Variants in SH3BP4 observed in about 807,000 individuals in gnomAD.
The protein encoded by SH3BP4 is SH3 domain binding protein 4, also known as SH3 domain-binding protein 4.
A neutral mutation model predicts 65.5 loss-of-function variants in SH3BP4; 33 were observed. The observed-to-expected ratio is 0.50, with a 90% CI of 0.38 to 0.67. SH3BP4 has a LOEUF of 0.67. SH3BP4 is among the 30% of genes least tolerant of loss of function. The pLI, the probability that SH3BP4 is intolerant of heterozygous loss-of-function variation, is 0.00. For missense variants in SH3BP4, 1,134 were observed against 1,261.4 expected (o/e 0.90, Z 1.53); for synonymous variants, 552 against 545.5 (o/e 1.01, Z -0.17).
At chr2:234,989,245 G>A (rs1423514688) in intron 1 of SH3BP4, among the ~76,000 whole-genome samples, 4 of 152,198 alleles carry the variant, frequency 2.6e-5, no homozygotes, top group Non-Finnish European at 5.9e-5. Flanking sequence ...GAAGCTGTAG[G>A]AGGATGGCGT....
intron 1 of SH3BP4, among the ~76,000 whole-genome samples, chr2:234,964,437 C>A (rs1692788024): frequency 6.6e-6 from 1 of 152,160 alleles, no homozygotes; most frequent in Admixed American, 6.5e-5. Context: ...GGGGAGCCCA[C>A]CAGATGCAGC....
chr2:234,954,804 G>T (rs115783385), intron 1 of SH3BP4, among the ~76,000 whole-genome samples: 38 of 152,178 alleles, frequency 2.5e-4, no homozygotes, highest in Admixed American at 4.6e-4. Context: ...CTGAAATTGC[G>T]TGGGAGGTGT....
chr2:234,963,008 C>G (rs1179491111), intron 1 of SH3BP4, among the ~76,000 whole-genome samples: 3 of 152,200 alleles, frequency 2.0e-5, no homozygotes, highest in Non-Finnish European at 4.4e-5. Flanking sequence ...CCTCAGCCTC[C>G]CAAAGTGCTG....
At position 235,042,685 on chromosome 2, in the gene SH3BP4, T is replaced by G. The variant is rs1695709285; in HGVS notation, c.1916T>G (p.Phe639Cys). ...GTCGGGAAAATCATCCTGTCCCCGT[T>G]TGCCACCACTACAAAGTACCCGACT... The part of the protein sequence containing the change: ...NEVGKIILSP[F>C]ATTTKYPTFQ... The change falls in exon 4 of 6, where the codon TTT (phenylalanine) becomes TGT (cysteine). Residue 639 changes from phenylalanine (F) to cysteine (C), a missense_variant. Physicochemically the swap from Phe to Cys is radical, Grantham distance 205. Transcript: ENST00000392011. This position sits in a 1 kb window ranked among gnomAD's most constrained non-coding sequence, Gnocchi z 7.3. 1 of 1,614,026 alleles carries G rather than the reference T, an allele frequency of 6.2e-7. No homozygotes were observed. Among genetic ancestry groups the G allele is most frequent in the Non-Finnish European group, 8.5e-7 (1 of 1,180,042 alleles).
intron 2 of SH3BP4, among the ~76,000 whole-genome samples, chr2:235,006,610 C>T (rs1337934906): frequency 6.6e-6 from 1 of 152,140 alleles, no homozygotes; most frequent in Admixed American, 6.5e-5. Context: ...CTCAGGGGCC[C>T]CCCTCGCTCT....
At chr2:234,993,070 G>T (rs1327809229) in intron 1 of SH3BP4, among the ~76,000 whole-genome samples, 2 of 152,246 alleles carry the variant, frequency 1.3e-5, no homozygotes, top group Non-Finnish European at 2.9e-5. Flanking sequence ...GAGTTCCTGT[G>T]AAGGGAGCTG....
At position 234,978,980 on chromosome 2, in the gene SH3BP4, G is replaced by C. The variant is rs1693264899; in HGVS notation, c.-206-16323G>C. ...GGGTGCCGGACATGCTTCTCGGTCA[G>C]AGCTGGTGCGTTTCTTTGCAGGGCA... On this transcript the variant is annotated intron_variant, in intron 1 of 5. Coordinates refer to ENST00000392011, the MANE Select transcript of SH3BP4 (RefSeq NM_014521.3). This position sits in a 1 kb window ranked among gnomAD's most constrained non-coding sequence, Gnocchi z 4.1. 6.6e-6 allele frequency: 1 copy of C among 152,384 alleles called. No individual in the cohort carries two copies. The highest frequency in any genetic ancestry group is 6.5e-5 in the Admixed American group (1 of 15,286). 9.4% of individuals were successfully genotyped at this position (152,384 alleles called of 1,614,324 possible).
intron 2 of SH3BP4, among the ~76,000 whole-genome samples, chr2:235,006,539 G>GAGGGCCTGTGCTCCCA (rs907457336): frequency 6.6e-6 from 1 of 152,208 alleles, no homozygotes; most frequent in East Asian, 1.9e-4. Flanking sequence ...CTCAGAAGCA[G>GAGGGCCTGTGCTCCCA]AGGGCCTGTG....
Position 235,053,863 on chromosome 2 carries a change from G to T in SH3BP4, c.*47G>T, listed in dbSNP as rs1003163759. The T allele has an allele frequency of 7.0e-7, 1 of 1,425,516 alleles. No individual in the cohort carries two copies. Among genetic ancestry groups the T allele is most frequent in the Non-Finnish European group, 9.9e-7 (1 of 1,010,278 alleles). 88.3% of individuals were successfully genotyped at this position (1,425,516 alleles called of 1,614,324 possible). ...TGCTCTGGAGTGCAAGCCCTCTTCT[G>T]CCCTGCGTGCCCTGCTGTCACCGCG... On this transcript the variant is annotated 3_prime_UTR_variant, in exon 6 of 6. Transcript: ENST00000392011.
At chr2:234,999,234 G>C (rs141383112) in intron 2 of SH3BP4, among the ~76,000 whole-genome samples, 1 of 152,332 alleles carries the variant, frequency 6.6e-6, no homozygotes, top group African/African-American at 2.4e-5. Context: ...GTCATAACTA[G>C]CCTGCCTTAC....
At chr2:234,972,637 G>A (rs1693034467) in intron 1 of SH3BP4, among the ~76,000 whole-genome samples, 1 of 152,140 alleles carries the variant, frequency 6.6e-6, no homozygotes, top group South Asian at 2.1e-4. Flanking sequence ...TGAGGCAGGA[G>A]GATGGCTGAG....
At chr2:235,006,852 C>A (rs1192485087) in intron 2 of SH3BP4, among the ~76,000 whole-genome samples, 1 of 152,108 alleles carries the variant, frequency 6.6e-6, no homozygotes, top group African/African-American at 2.4e-5. Flanking sequence ...TAGGGCAGGA[C>A]CTCCGTGACA....
In SH3BP4 at chr2:235,043,025, G is replaced by A. The variant is rs367665210; in HGVS notation, c.2256G>A (p.Thr752=). The A allele has an allele frequency of 2.8e-5, 45 of 1,609,266 alleles. No individual in the cohort carries two copies. The highest frequency in any genetic ancestry group is 3.7e-5 in the Non-Finnish European group (43 of 1,176,476). ...EQILRPCKFL[T]YIYASVRTLL... ...TCCTGCGGCCCTGCAAATTCCTCAC[G>A]TACATCTATGCCTCCGTGAGGACCC... Residue 752 remains threonine, a synonymous_variant, in exon 4 of 6, where the codon ACG becomes ACA. Transcript: ENST00000392011.
intron 1 of SH3BP4, chr2:234,979,437 C>T (rs1693282020): frequency 6.6e-6 from 1 of 152,164 alleles, no homozygotes; most frequent in Admixed American, 6.5e-5. Context: ...TTGTTTTTAA[C>T]TTTTATGTAC....
chr2:235,017,904 C>T (rs1461433967), intron 2 of SH3BP4, among the ~76,000 whole-genome samples: 2 of 152,142 alleles, frequency 1.3e-5, no homozygotes, highest in Non-Finnish European at 2.9e-5. Context: ...CGCAGCAAGA[C>T]TCTTGGTGGG....
chr2:235,041,799 G>C lies in SH3BP4; in HGVS notation c.1030G>C (p.Gly344Arg). 1 of 1,594,834 alleles carries C rather than the reference G, an allele frequency of 6.3e-7. No homozygotes were observed. Among genetic ancestry groups the C allele is most frequent in the Non-Finnish European group, 8.6e-7 (1 of 1,168,960 alleles). The change falls in exon 4 of 6, where the codon GGC becomes CGC. Residue 344 changes from glycine to arginine, a missense_variant. By Grantham distance (125) the Gly-to-Arg change is moderately radical (BLOSUM62 -2). Coordinates refer to ENST00000392011, the MANE Select transcript of SH3BP4 (RefSeq NM_014521.3). This position sits in a 1 kb window ranked among gnomAD's most constrained non-coding sequence, Gnocchi z 6.0. ...CAGCATCAGCATCCACGTGCCCGAG[G>C]GCCACGTCGCCCCTGGGGAGACCCA... ...DTSISIHVPE[G>R]HVAPGETQQI...
At chr2:235,007,800 T>G (rs1362777588) in intron 2 of SH3BP4, among the ~76,000 whole-genome samples, 1 of 151,866 alleles carries the variant, frequency 6.6e-6, no homozygotes, top group Non-Finnish European at 1.5e-5. Flanking sequence ...GGAGGCAGGG[T>G]AGAGACACGG....
At chr2:235,010,974 T>C (rs1694475036) in intron 2 of SH3BP4, among the ~76,000 whole-genome samples, 1 of 148,262 alleles carries the variant, frequency 6.7e-6, no homozygotes, top group Non-Finnish European at 1.5e-5. Flanking sequence ...TTCCCTCTTC[T>C]AGGAGAACCC....
intron 1 of SH3BP4, among the ~76,000 whole-genome samples, chr2:234,989,644 A>G (rs914622404): frequency 2.0e-5 from 3 of 152,248 alleles, no homozygotes; most frequent in Non-Finnish European, 4.4e-5. Context: ...TTTTGGTTGC[A>G]CAGAAGAGCT....
Sources: gnomAD v4.1 joint callset for allele counts (sites outside exome capture counted in the v4.1 genomes callset) on GRCh38, gnomAD v4.1.1 for gene constraint, Gnocchi (gnomAD v3.1) non-coding constraint, MANE v1.5 for transcripts, NCBI Gene and HGNC (gene_info 2026-07-23, HGNC 2026-07-21) for gene names.